Variants in ANKS1B observed in about 807,000 individuals in gnomAD.
ANKS1B encodes the protein ankyrin repeat and sterile alpha motif domain containing 1B.
In ANKS1B, 36 loss-of-function variants were observed where a neutral mutation model predicts 148.3. The observed-to-expected ratio is 0.24, with a 90% CI of 0.19 to 0.32. ANKS1B has a LOEUF of 0.32. Among genes scored for constraint, ANKS1B ranks in the 10% least tolerant of loss-of-function variants. The pLI, the probability that ANKS1B is intolerant of heterozygous loss-of-function variation, is 1.00. For missense variants in ANKS1B, 1,157 were observed against 1,542.6 expected, an observed-to-expected ratio of 0.75 and a Z score of 4.19; for synonymous variants, 542 against 560.8, an observed-to-expected ratio of 0.97 and a Z score of 0.47.
chr12:99,511,993 A>G (rs963538426), intron 9 of ANKS1B, among the ~76,000 whole-genome samples: 2 of 152,120 alleles, frequency 1.3e-5, no homozygotes, highest in Non-Finnish European at 2.9e-5. Flanking sequence ...CATTCAGGAC[A>G]TAGGCATGGG....
intron 14 of ANKS1B, among the ~76,000 whole-genome samples, chr12:99,178,390 C>T (rs1299137476): frequency 6.6e-6 from 1 of 152,202 alleles, no homozygotes; most frequent in Non-Finnish European, 1.5e-5. Context: ...GACATCATGG[C>T]ACCTCATGGG....
chr12:99,233,483 T>A (rs2087251488), intron 14 of ANKS1B, among the ~76,000 whole-genome samples: 1 of 152,134 alleles, frequency 6.6e-6, no homozygotes, highest in African/African-American at 2.4e-5. Flanking sequence ...ACATCACATA[T>A]CCAGCTTTGC....
intron 8 of ANKS1B, chr12:99,706,509 T>G (rs1600193555): frequency 6.6e-6 from 1 of 152,076 alleles, no homozygotes; most frequent in East Asian, 1.9e-4. Flanking sequence ...GTCTTATAAC[T>G]CGCTTCTGTG....
At chr12:98,999,074 C>G (rs1407747562) in intron 17 of ANKS1B, among the ~76,000 whole-genome samples, 3 of 152,214 alleles carry the variant, frequency 2.0e-5, no homozygotes, top group Admixed American at 2.0e-4. Context: ...TCCCTGCCCA[C>G]CAAATACTTA....
intron 1 of ANKS1B, among the ~76,000 whole-genome samples, chr12:99,946,755 A>G (rs1406302024): frequency 1.3e-5 from 2 of 152,140 alleles, no homozygotes; most frequent in Admixed American, 1.3e-4. Flanking sequence ...GAGCCCTTAC[A>G]TGTTAACAGT....
At chr12:99,638,466 G>C (rs190656422) in intron 9 of ANKS1B, among the ~76,000 whole-genome samples, 1 of 152,166 alleles carries the variant, frequency 6.6e-6, no homozygotes, top group Non-Finnish European at 1.5e-5. Flanking sequence ...TTAGCAAAGA[G>C]ACTGGTAGCA....
chr12:99,691,910 C>A (rs950601082), intron 8 of ANKS1B, among the ~76,000 whole-genome samples: 1 of 152,078 alleles, frequency 6.6e-6, no homozygotes, highest in Non-Finnish European at 1.5e-5. Context: ...TAATCTGTTA[C>A]ACAGCAATAG....
intron 1 of ANKS1B, among the ~76,000 whole-genome samples, chr12:99,978,934 G>A (rs964849690): frequency 6.6e-6 from 1 of 151,946 alleles, no homozygotes; most frequent in Non-Finnish European, 1.5e-5. Context: ...AATAAATTGA[G>A]GCATTAATAA....
At chr12:99,263,081 C>G (rs2076089177) in intron 12 of ANKS1B, among the ~76,000 whole-genome samples, 1 of 151,954 alleles carries the variant, frequency 6.6e-6, no homozygotes, top group South Asian at 2.1e-4. Context: ...CCATAATACT[C>G]TGGGGTATTA....
At chr12:99,819,342 G>A (rs1382550822) in intron 2 of ANKS1B, among the ~76,000 whole-genome samples, 1 of 151,788 alleles carries the variant, frequency 6.6e-6, no homozygotes, top group Non-Finnish European at 1.5e-5. Flanking sequence ...AAAGCAAGAT[G>A]ACTAAAGATG....
Position 98,745,481 on chromosome 12 carries a change from G to A in ANKS1B, c.*258C>T. 3 of 1,157,992 alleles carry A rather than the reference G, an allele frequency of 2.6e-6. No homozygotes were observed. The highest frequency in any genetic ancestry group is 2.8e-5 in the South Asian group (1 of 35,792). 71.7% of individuals were successfully genotyped at this position (1,157,992 alleles called of 1,614,324 possible). A position where few individuals can be genotyped will look rare whatever the true frequency, so the allele number is the denominator to read the frequency against. On this transcript the variant is annotated 3_prime_UTR_variant, in exon 27 of 27. Coordinates refer to ENST00000683438, the MANE Select transcript of ANKS1B (RefSeq NM_001352186.2). Reference sequence around the variant, plus strand: ...TCAGAAATACCTTGGGAGGTGGTGGGGAGGGGAGTCGGGAGCATCAGGGAA... The same window carrying A: ...TCAGAAATACCTTGGGAGGTGGTGGAGAGGGGAGTCGGGAGCATCAGGGAA...
At chr12:99,195,799 C>CAATTGGT (rs2081314130) in intron 14 of ANKS1B, among the ~76,000 whole-genome samples, 2 of 151,924 alleles carry the variant, frequency 1.3e-5, no homozygotes, top group African/African-American at 4.8e-5. Flanking sequence ...AATGCACATG[C>CAATTGGT]AATTGGTAAT....
intron 12 of ANKS1B, among the ~76,000 whole-genome samples, chr12:99,369,564 G>C (rs1457493718): frequency 1.3e-5 from 2 of 152,124 alleles, no homozygotes; most frequent in African/African-American, 4.8e-5. Flanking sequence ...AGGCTGATTA[G>C]ATATCACTTG....
chr12:99,350,875 C>G (rs2091334121), intron 12 of ANKS1B, among the ~76,000 whole-genome samples: 1 of 152,054 alleles, frequency 6.6e-6, no homozygotes, highest in Non-Finnish European at 1.5e-5. Flanking sequence ...GCTACGGTCA[C>G]TTAGTTCTGC....
intron 11 of ANKS1B, among the ~76,000 whole-genome samples, chr12:99,424,361 G>A (rs1278143628): frequency 6.6e-6 from 1 of 152,082 alleles, no homozygotes; most frequent in African/African-American, 2.4e-5. Flanking sequence ...TTTTGAGGAA[G>A]TAAAATAAAT....
At chr12:99,326,628 C>G (rs889173833) in intron 12 of ANKS1B, among the ~76,000 whole-genome samples, 3 of 151,932 alleles carry the variant, frequency 2.0e-5, no homozygotes, top group African/African-American at 7.2e-5. Context: ...AACTAAATGT[C>G]TGATATTGTT....
intron 1 of ANKS1B, among the ~76,000 whole-genome samples, chr12:99,968,316 G>C (rs1253926357): frequency 2.0e-5 from 3 of 152,204 alleles, no homozygotes; most frequent in Admixed American, 2.0e-4. Context: ...CCAGCACTTT[G>C]GGAGGCCGAG....
intron 17 of ANKS1B, among the ~76,000 whole-genome samples, chr12:98,936,456 G>A (rs753162496): frequency 5.3e-5 from 8 of 151,928 alleles, no homozygotes; most frequent in African/African-American, 1.9e-4. Flanking sequence ...TTGAAACCTC[G>A]TCTCTACTAA....
chr12:98,793,935 T>C (rs1208212791), intron 22 of ANKS1B, among the ~76,000 whole-genome samples: 2 of 152,226 alleles, frequency 1.3e-5, no homozygotes, highest in East Asian at 3.8e-4. Context: ...GAACCTCATC[T>C]GGCCAGAGCA....
Sources: gnomAD v4.1 joint callset for allele counts (sites outside exome capture counted in the v4.1 genomes callset) on GRCh38, gnomAD v4.1.1 for gene constraint, MANE v1.5 for transcripts, NCBI Gene and HGNC (gene_info 2026-07-23, HGNC 2026-07-21) for gene names.